NCOA2: variants seen among roughly 807,000 people sequenced by gnomAD.
NCOA2 encodes nuclear receptor coactivator 2, also known as class E basic helix-loop-helix protein 75.
NCOA2 carries 21 observed loss-of-function variants against 145.1 expected under a neutral mutation model. The observed-to-expected ratio is 0.14, with a 90% confidence interval of 0.10 to 0.21. The LOEUF is 0.21. NCOA2 is among the 10% of genes least tolerant of loss of function. The pLI is 1.00. For synonymous variants in NCOA2, 619 were observed against 637.5 expected (o/e 0.97, Z 0.44); for missense variants, 1,472 against 1,837.6 (o/e 0.80, Z 3.64).
At chr8:70,162,056 C>T (rs1207158972) in intron 9 of NCOA2, among the ~76,000 whole-genome samples, 2 of 152,140 alleles carry the variant, frequency 1.3e-5, no homozygotes, top group African/African-American at 4.8e-5. Flanking sequence ...CTTGCCTGAA[C>T]CTCCTCGTCC....
At chr8:70,388,606 T>C (rs1254981476) in intron 1 of NCOA2, among the ~76,000 whole-genome samples, 1 of 152,252 alleles carries the variant, frequency 6.6e-6, no homozygotes, top group African/African-American at 2.4e-5. Flanking sequence ...GGAACATTTC[T>C]TTTTTAATCT....
At chr8:70,151,460 G>T (rs1029564126) in intron 11 of NCOA2, among the ~76,000 whole-genome samples, 1 of 152,118 alleles carries the variant, frequency 6.6e-6, no homozygotes, top group Middle Eastern at 3.4e-3. Flanking sequence ...GCTCATTTTC[G>T]CATTTTTAGT....
intron 2 of NCOA2, among the ~76,000 whole-genome samples, chr8:70,249,470 T>C (rs1438264176): frequency 6.6e-6 from 1 of 152,176 alleles, no homozygotes; most frequent in African/African-American, 2.4e-5. Context: ...CTCCCTGTCT[T>C]AGGTTCCTTA....
the NCOA2 span, among the ~76,000 whole-genome samples, chr8:70,433,405 A>G: frequency 6.6e-6 from 1 of 152,078 alleles, no homozygotes; most frequent in African/African-American, 2.4e-5. Flanking sequence ...CAAATACAGG[A>G]CATGTTTTCC....
intron 4 of NCOA2, among the ~76,000 whole-genome samples, chr8:70,194,422 T>A (rs1817038414): frequency 6.6e-6 from 1 of 152,136 alleles, no homozygotes; most frequent in African/African-American, 2.4e-5. Context: ...CCAACATACT[T>A]CCCAAAATGG....
chr8:70,183,047 A>C (rs1284410481), intron 4 of NCOA2, among the ~76,000 whole-genome samples: 1 of 152,228 alleles, frequency 6.6e-6, no homozygotes. Context: ...GCAATGGAGT[A>C]CTGAGAGGTG....
intron 2 of NCOA2, among the ~76,000 whole-genome samples, chr8:70,222,071 AGTCT>A (rs940992687): frequency 2.6e-5 from 4 of 152,202 alleles, no homozygotes; most frequent in Non-Finnish European, 5.9e-5. Context: ...CACATACTAT[AGTCT>A]GTATCTACAG....
intron 16 of NCOA2, 68 bp downstream of exon 16, chr8:70,131,769 A>C: frequency 6.7e-7 from 1 of 1,486,166 alleles, no homozygotes; most frequent in South Asian, 1.3e-5. Context: ...AGTACCTGTA[A>C]ACAGAAAATG....
chr8:70,340,064 T>C (rs924003931), intron 1 of NCOA2, among the ~76,000 whole-genome samples: 1 of 152,094 alleles, frequency 6.6e-6, no homozygotes, highest in Non-Finnish European at 1.5e-5. Flanking sequence ...CAAAAGCAAT[T>C]GCAACAAAAG....
At chr8:70,124,659 G>C in intron 20 of NCOA2, 29 bp downstream of exon 20, 1 of 1,564,156 alleles carries the variant, frequency 6.4e-7, no homozygotes, top group South Asian at 1.2e-5. Context: ...CACAGTGGCG[G>C]TATGAAAAGG....
At chr8:70,319,896 G>A (rs1025607910) in intron 1 of NCOA2, among the ~76,000 whole-genome samples, 7 of 152,118 alleles carry the variant, frequency 4.6e-5, no homozygotes, top group African/African-American at 1.4e-4. Context: ...AAGGAAGAGG[G>A]AAAAACCAAG....
intron 4 of NCOA2, among the ~76,000 whole-genome samples, chr8:70,203,263 A>AAAAAAAAG (rs1818096437): frequency 6.6e-6 from 1 of 150,948 alleles, no homozygotes; most frequent in Non-Finnish European, 1.5e-5. Context: ...CTCTGTCTCA[A>AAAAAAAAG]AAAAAAAAAG....
At chr8:70,171,219 T>C (rs1814220094) in intron 5 of NCOA2, among the ~76,000 whole-genome samples, 1 of 151,922 alleles carries the variant, frequency 6.6e-6, no homozygotes, top group Non-Finnish European at 1.5e-5. Flanking sequence ...GTTGAGATAA[T>C]AACAGTGGCT....
chr8:70,148,395 C>G lies in NCOA2; in HGVS notation c.2483G>C (p.Gly828Ala). ...CTTGTCAACTGATCCAGCAGGGGCG[C>G]CTGGCCTCGTGTCTGGGAAAAGCTG... Reference protein sequence around the residue: ...LPQLFPDTRPGAPAGSVDKQA... With the variant: ...LPQLFPDTRPAAPAGSVDKQA... The change falls in exon 12 of 23, where the codon GGC becomes GCC. Residue 828 changes from glycine (G) to alanine (A), a missense_variant. Coordinates refer to ENST00000452400, the MANE Select transcript of NCOA2 (RefSeq NM_006540.4). The G allele has an allele frequency of 1.2e-6, 2 of 1,613,936 alleles. No homozygotes were observed. Among genetic ancestry groups the G allele is most frequent in the Non-Finnish European group, 1.7e-6 (2 of 1,179,870 alleles).
intron 2 of NCOA2, among the ~76,000 whole-genome samples, chr8:70,217,332 G>C (rs1236883646): frequency 1.3e-5 from 2 of 152,148 alleles, no homozygotes; most frequent in South Asian, 2.1e-4. Flanking sequence ...CCCCTAGTGG[G>C]GGATCTTCCT....
intron 4 of NCOA2, among the ~76,000 whole-genome samples, chr8:70,177,165 G>A (rs965816689): frequency 6.6e-6 from 1 of 152,160 alleles, no homozygotes; most frequent in Non-Finnish European, 1.5e-5. Context: ...TTCTCAAAAT[G>A]CAATGGTAAA....
intron 4 of NCOA2, among the ~76,000 whole-genome samples, chr8:70,197,212 A>G (rs1429589984): frequency 6.6e-6 from 1 of 152,226 alleles, no homozygotes; most frequent in Non-Finnish European, 1.5e-5. Flanking sequence ...CCCGGAGATC[A>G]AAAAACGTTT....
At chr8:70,196,972 C>T (rs1366422329) in intron 4 of NCOA2, among the ~76,000 whole-genome samples, 1 of 152,170 alleles carries the variant, frequency 6.6e-6, no homozygotes, top group East Asian at 1.9e-4. Flanking sequence ...GCAATAATTC[C>T]AATCCTGAGG....
At chr8:70,299,785 T>C (rs1827355627) in intron 1 of NCOA2, among the ~76,000 whole-genome samples, 1 of 152,236 alleles carries the variant, frequency 6.6e-6, no homozygotes, top group African/African-American at 2.4e-5. Flanking sequence ...TTATCCCTGA[T>C]GTTTTCATTT....
Sources: gnomAD v4.1 joint callset for allele counts (sites outside exome capture counted in the v4.1 genomes callset) on GRCh38, gnomAD v4.1.1 for gene constraint, MANE v1.5 for transcripts, NCBI Gene and HGNC (gene_info 2026-07-23, HGNC 2026-07-21) for gene names.